IFNG-AS1: variants seen among roughly 807,000 people sequenced by gnomAD.
IFNG-AS1 encodes IFNG regulatory antisense RNA 1, also known as IFNG antisense RNA 1 (non-protein coding).
chr12:67,997,771 G>T (rs560122357), intron 2 of IFNG-AS1, among the ~76,000 whole-genome samples: 1 of 151,540 alleles, frequency 6.6e-6, no homozygotes, highest in South Asian at 2.1e-4. Flanking sequence ...TATATATTCT[G>T]CTAATATATT....
At chr12:67,989,638 T>C (rs867484457) in intron 1 of IFNG-AS1, 10 of 152,168 alleles carry the variant, frequency 6.6e-5, no homozygotes, top group African/African-American at 2.4e-4. Flanking sequence ...CAAATAAATG[T>C]GTTTTCTTTA....
intron 1 of IFNG-AS1, among the ~76,000 whole-genome samples, chr12:67,992,678 G>T (rs1187827649): frequency 2.0e-5 from 3 of 152,136 alleles, no homozygotes; most frequent in Non-Finnish European, 4.4e-5. Flanking sequence ...TTCTCTTGCT[G>T]CATAGCCCAG....
At chr12:68,004,058 G>T (rs544302598) in intron 2 of IFNG-AS1, among the ~76,000 whole-genome samples, 4 of 152,158 alleles carry the variant, frequency 2.6e-5, no homozygotes, top group African/African-American at 9.6e-5. Flanking sequence ...CTGGATTGCA[G>T]TTGAAGCCAT....
Position 68,009,744 on chromosome 12 carries a change from C to T in IFNG-AS1, n.241+3598C>T, listed in dbSNP as rs542361443. On this transcript the variant is annotated intron_variant and non_coding_transcript_variant, in intron 3 of 5. Transcript: ENST00000536914. The stretch of plus-strand genomic sequence containing the variant: ...GCAGCTCTCCTCCATGCAGTCATTC[C>T]GAGATCTTGTCTTTTTCCATCTGGT... 7.8e-4 allele frequency among the ~76,000 whole-genome samples: 119 copies of T among 152,208 alleles called. 1 individual carries two copies. The highest frequency in any genetic ancestry group is 2.3e-3 in the African/African-American group (94 of 41,530).
chr12:68,016,694 T>A (rs1477248282), intron 3 of IFNG-AS1, among the ~76,000 whole-genome samples: 2 of 152,158 alleles, frequency 1.3e-5, no homozygotes, highest in African/African-American at 4.8e-5. Context: ...TCATTCAACT[T>A]CACAATTCAC....
At chr12:67,991,636 T>C (rs1879515039) in intron 1 of IFNG-AS1, among the ~76,000 whole-genome samples, 2 of 152,258 alleles carry the variant, frequency 1.3e-5, no homozygotes, top group Admixed American at 6.5e-5. Context: ...GCCCGCAAGA[T>C]GGGCCATGTT....
intron 2 of IFNG-AS1, among the ~76,000 whole-genome samples, chr12:68,005,482 C>CA (rs915740964): frequency 2.0e-5 from 3 of 151,966 alleles, no homozygotes; most frequent in East Asian, 1.9e-4. Context: ...GCTCAAACAG[C>CA]AAAAAAACCC....
At chr12:67,997,481 C>A (rs555913850) in intron 2 of IFNG-AS1, among the ~76,000 whole-genome samples, 31 of 151,714 alleles carry the variant, frequency 2.0e-4, no homozygotes, top group African/African-American at 7.2e-4. Context: ...ACACCATATA[C>A]AAGCATAAAG....
intron 2 of IFNG-AS1, among the ~76,000 whole-genome samples, chr12:68,000,304 A>G (rs1879738961): frequency 6.6e-6 from 1 of 152,236 alleles, no homozygotes; most frequent in Non-Finnish European, 1.5e-5. Flanking sequence ...TCTACCTATG[A>G]TTACAAAACT....
At chr12:68,016,388 C>G (rs542697295) in intron 3 of IFNG-AS1, among the ~76,000 whole-genome samples, 1 of 152,132 alleles carries the variant, frequency 6.6e-6, no homozygotes, top group African/African-American at 2.4e-5. Flanking sequence ...ATAAGTCACC[C>G]ACCACCATGA....
At chr12:68,020,697 A>G (rs994727431) in intron 4 of IFNG-AS1, 2 of 152,196 alleles carry the variant, frequency 1.3e-5, no homozygotes, top group Non-Finnish European at 2.9e-5. Flanking sequence ...CTTCACCAAG[A>G]AGAGCCAACA....
intron 3 of IFNG-AS1, among the ~76,000 whole-genome samples, chr12:68,014,377 T>A (rs992325894): frequency 3.3e-5 from 5 of 152,234 alleles, no homozygotes; most frequent in African/African-American, 1.2e-4. Context: ...TTTTCCACAG[T>A]GGCTGTACAA....
At chr12:68,009,620 C>T (rs577146767) in intron 3 of IFNG-AS1, among the ~76,000 whole-genome samples, 184 of 152,262 alleles carry the variant, frequency 1.2e-3, no homozygotes, top group African/African-American at 4.1e-3. Flanking sequence ...GCATTATAGG[C>T]GTGAGTCATT....
chr12:68,017,873 G>T (rs1880191420), intron 3 of IFNG-AS1, among the ~76,000 whole-genome samples: 1 of 152,092 alleles, frequency 6.6e-6, no homozygotes, highest in Non-Finnish European at 1.5e-5. Flanking sequence ...CTATAAAATG[G>T]AAATAACTGG....
intron 3 of IFNG-AS1, among the ~76,000 whole-genome samples, chr12:68,012,016 G>A (rs1880042285): frequency 6.6e-6 from 1 of 152,050 alleles, no homozygotes; most frequent in African/African-American, 2.4e-5. Context: ...TTTTTCATGT[G>A]GGGGTGTTAA....
chr12:68,005,672 C>T (rs1299619170), intron 2 of IFNG-AS1, among the ~76,000 whole-genome samples: 1 of 152,150 alleles, frequency 6.6e-6, no homozygotes, highest in East Asian at 1.9e-4. Context: ...GATCATGACC[C>T]TTGCCCTTAT....
At chr12:67,989,815 C>T (rs1879462137) in intron 1 of IFNG-AS1, among the ~76,000 whole-genome samples, 1 of 152,068 alleles carries the variant, frequency 6.6e-6, no homozygotes, top group Admixed American at 6.5e-5. Flanking sequence ...GGATGAATTC[C>T]TCTGAGACTT....
chr12:68,019,622 T>C (rs1221852687), intron 3 of IFNG-AS1, among the ~76,000 whole-genome samples: 4 of 152,200 alleles, frequency 2.6e-5, no homozygotes, highest in Non-Finnish European at 4.4e-5. Flanking sequence ...GCACCCACAC[T>C]AGAGTAGGTG....
At chr12:67,995,290 G>T (rs980228641) in intron 1 of IFNG-AS1, among the ~76,000 whole-genome samples, 2 of 151,344 alleles carry the variant, frequency 1.3e-5, no homozygotes, top group African/African-American at 4.9e-5. Context: ...GCATGGTGGC[G>T]CGTGCCTATA....
Sources: allele counts gnomAD v4.1 joint callset (sites outside exome capture counted in the v4.1 genomes callset), GRCh38; gene constraint gnomAD v4.1.1; transcripts MANE v1.5; gene names NCBI Gene and HGNC (gene_info 2026-07-23, HGNC 2026-07-21).